Variants in NKAIN3 observed in about 807,000 individuals in gnomAD.
NKAIN3 encodes sodium/potassium transporting ATPase interacting 3, also known as sodium/potassium-transporting ATPase subunit beta-1-interacting protein 3.
A neutral mutation model predicts 30.2 loss-of-function variants in NKAIN3; 25 were observed. The observed-to-expected ratio is 0.83, with a 90% CI of 0.60 to 1.16. The LOEUF is 1.16. Among genes scored for constraint, NKAIN3 ranks in the 50% most tolerant of loss-of-function variants. NKAIN3 has a pLI of 0.00. For synonymous variants in NKAIN3, 91 were observed against 89.6 expected, an observed-to-expected ratio of 1.02 and a Z score of -0.09; for missense variants, 225 against 254.1, an observed-to-expected ratio of 0.89 and a Z score of 0.78.
chr8:62,952,285 T>C (rs1244514263), intron 5 of NKAIN3, among the ~76,000 whole-genome samples: 1 of 152,160 alleles, frequency 6.6e-6, no homozygotes, highest in Non-Finnish European at 1.5e-5. Context: ...TCTTACTAAG[T>C]TAAAAAATAC....
chr8:62,498,805 G>C (rs552671880), intron 1 of NKAIN3, among the ~76,000 whole-genome samples: 1 of 151,368 alleles, frequency 6.6e-6, no homozygotes, highest in Non-Finnish European at 1.5e-5. Context: ...CTCAGACCCC[G>C]TCAATCTCAC....
intron 4 of NKAIN3, among the ~76,000 whole-genome samples, chr8:62,763,433 G>A (rs998201496): frequency 1.3e-5 from 2 of 151,970 alleles, no homozygotes; most frequent in African/African-American, 4.8e-5. Context: ...CTGCTAACAA[G>A]AAAGCTACAG....
At chr8:62,528,723 CT>C (rs1479845670) in intron 1 of NKAIN3, among the ~76,000 whole-genome samples, 2 of 152,042 alleles carry the variant, frequency 1.3e-5, no homozygotes, top group Non-Finnish European at 2.9e-5. Context: ...ACCTTTATAA[CT>C]TTTTACTTAT....
At chr8:62,496,473 A>G (rs1440462747) in intron 1 of NKAIN3, among the ~76,000 whole-genome samples, 2 of 152,152 alleles carry the variant, frequency 1.3e-5, no homozygotes, top group Non-Finnish European at 2.9e-5. Context: ...CTATGAAAGG[A>G]ACAGTACCAT....
chr8:62,344,349 A>G (rs1815857251), intron 1 of NKAIN3, among the ~76,000 whole-genome samples: 1 of 152,154 alleles, frequency 6.6e-6, no homozygotes, highest in Non-Finnish European at 1.5e-5. Context: ...CATAGTGCAT[A>G]CTACATTTCC....
At chr8:62,301,988 C>A (rs774124423) in intron 1 of NKAIN3, among the ~76,000 whole-genome samples, 9 of 152,016 alleles carry the variant, frequency 5.9e-5, no homozygotes, top group Non-Finnish European at 8.8e-5. Context: ...CAGTGGCCAC[C>A]ACAGACTTTT....
At chr8:62,704,475 T>C (rs982342715) in intron 3 of NKAIN3, among the ~76,000 whole-genome samples, 3 of 152,314 alleles carry the variant, frequency 2.0e-5, no homozygotes, top group South Asian at 4.1e-4. Flanking sequence ...TTTGTTGTGG[T>C]CTCTGTTCCC....
At chr8:62,314,441 A>G (rs1003631875) in intron 1 of NKAIN3, among the ~76,000 whole-genome samples, 1 of 152,158 alleles carries the variant, frequency 6.6e-6, no homozygotes, top group Non-Finnish European at 1.5e-5. Context: ...TGTTATGGTA[A>G]TAGTCTGAGG....
chr8:62,895,148 G>A (rs1179888340), intron 4 of NKAIN3, among the ~76,000 whole-genome samples: 1 of 152,216 alleles, frequency 6.6e-6, no homozygotes, highest in African/African-American at 2.4e-5. Context: ...CCACAATATA[G>A]AAGCCTACAC....
rs375008096 is a variant in NKAIN3 at position 62,688,741 on chromosome 8, G to GACAC, written c.274-58163_274-58160dup. Among the ~76,000 whole-genome samples the GACAC allele has an allele frequency of 6.3e-3, 736 of 116,490 alleles. 3 individuals carry two copies. Among genetic ancestry groups the GACAC allele is most frequent in the East Asian group, 0.025 (74 of 2,970 alleles). The allele number at this position is 116,490 out of a possible 152,430, so 76.4% of individuals were successfully genotyped here. On this transcript the variant is annotated intron_variant, in intron 3 of 6. Transcript: ENST00000623646. ...ATAGACACAGACAGACAGACAGACAGACACACACACACACACACACACACA... is the reference window on the plus strand; with the variant it reads ...ATAGACACAGACAGACAGACAGACAGACACACACACACACACACACACACACACA...
chr8:62,279,812 C>A (rs1813110331), intron 1 of NKAIN3, among the ~76,000 whole-genome samples: 1 of 152,140 alleles, frequency 6.6e-6, no homozygotes, highest in Non-Finnish European at 1.5e-5. Flanking sequence ...TAGCATGATG[C>A]CTCCAGCTTT....
intron 1 of NKAIN3, among the ~76,000 whole-genome samples, chr8:62,531,240 T>C (rs967400973): frequency 1.9e-4 from 29 of 152,184 alleles, no homozygotes; most frequent in African/African-American, 7.0e-4. Context: ...CTCATGTCGT[T>C]TTAGTACATC....
intron 3 of NKAIN3, among the ~76,000 whole-genome samples, chr8:62,728,261 T>C (rs1170760207): frequency 6.6e-6 from 1 of 152,066 alleles, no homozygotes; most frequent in Non-Finnish European, 1.5e-5. Context: ...ATTTTAGATA[T>C]AACATCAAAA....
At chr8:62,729,040 C>CAAAAAAAAAAAAAAAAAAAAAA (rs1317282077) in intron 3 of NKAIN3, among the ~76,000 whole-genome samples, 4 of 61,194 alleles carry the variant, frequency 6.5e-5, no homozygotes, top group East Asian at 7.6e-4. Flanking sequence ...AAAAAAAAAA[C>CAAAAAAAAAAAAAAAAAAAAAA]AAAAAAAAAA....
intron 3 of NKAIN3, among the ~76,000 whole-genome samples, chr8:62,630,133 A>C (rs1041562485): frequency 6.6e-6 from 1 of 152,120 alleles, no homozygotes; most frequent in Non-Finnish European, 1.5e-5. Flanking sequence ...TTATAAATTA[A>C]AATTTATCAT....
chr8:62,838,973 G>A (rs1554583218), intron 4 of NKAIN3, among the ~76,000 whole-genome samples: 4 of 151,990 alleles, frequency 2.6e-5, no homozygotes, highest in Non-Finnish European at 5.9e-5. Flanking sequence ...TGAGTACAAG[G>A]ATTGTAGGCA....
intron 4 of NKAIN3, among the ~76,000 whole-genome samples, chr8:62,765,376 A>G (rs192076701): frequency 2.6e-5 from 4 of 152,134 alleles, no homozygotes; most frequent in African/African-American, 9.6e-5. Context: ...TCATTCTCTT[A>G]TTTCTAGAAC....
At position 62,974,683 on chromosome 8, in the gene NKAIN3, A is replaced by T. The variant is rs1189074217; in HGVS notation, c.*9276A>T. 1.3e-5 allele frequency among the ~76,000 whole-genome samples: 2 copies of T among 152,160 alleles called. No homozygotes were observed. The highest frequency in any genetic ancestry group is 1.3e-4 in the Admixed American group (2 of 15,272). On this transcript the variant is annotated 3_prime_UTR_variant, in exon 7 of 7. Transcript: ENST00000623646. ...TCTCTTGCCTGTTTGCCCTGGCCAG[A>T]ACTTCTAATACTGTGTTGAATAGGA...
chr8:62,344,291 T>C (rs1423443335), intron 1 of NKAIN3, among the ~76,000 whole-genome samples: 1 of 152,116 alleles, frequency 6.6e-6, no homozygotes, highest in Non-Finnish European at 1.5e-5. Context: ...GGAAATATAA[T>C]GTACATAAGT....
Sources: allele counts gnomAD v4.1 joint callset (sites outside exome capture counted in the v4.1 genomes callset), GRCh38; gene constraint gnomAD v4.1.1; transcripts MANE v1.5; gene names NCBI Gene and HGNC (gene_info 2026-07-23, HGNC 2026-07-21).